LTA4H: variants seen among roughly 807,000 people sequenced by gnomAD.
The protein encoded by LTA4H is leukotriene A4 hydrolase, also known as leukotriene A-4 hydrolase.
A neutral mutation model predicts 89.8 loss-of-function variants in LTA4H; 59 were observed. That is an observed-to-expected ratio of 0.66 (90% CI 0.53 to 0.82). LTA4H has a LOEUF of 0.82. Ranked by LOEUF, LTA4H falls within the 40% of genes least tolerant of loss-of-function variation. The probability of loss-of-function intolerance (pLI) is 0.00; values close to 1 mark genes in which losing one functional copy is unlikely to be tolerated. For missense variants in LTA4H, 617 were observed against 727.0 expected (o/e 0.85, Z 1.74); for synonymous variants, 227 against 253.1 (o/e 0.90, Z 0.98).
chr12:96,028,666 T>C (rs1294244616), intron 2 of LTA4H, among the ~76,000 whole-genome samples: 2 of 152,232 alleles, frequency 1.3e-5, no homozygotes, highest in Admixed American at 6.5e-5. Flanking sequence ...TTTGGCATTA[T>C]CATTGTCCCA....
intron 1 of LTA4H, among the ~76,000 whole-genome samples, 186 bp downstream of exon 1, chr12:96,035,175 T>C (rs1179321881): frequency 6.6e-6 from 1 of 151,614 alleles, no homozygotes; most frequent in Non-Finnish European, 1.5e-5. Flanking sequence ...GAAGGGGTGC[T>C]GTGAGAGATC....
Position 96,006,341 on chromosome 12 carries a change from A to C in LTA4H, c.1503T>G (p.Asn501Lys). The part of the protein sequence containing the change: ...DLKDLSSHQL[N>K]EFLAQTLQRA... ...TCTGGAGCGTCTGTGCTAAAAACTC[A>C]TTCAATTGATGAGAAGAGAGATCCT... Residue 501 changes from asparagine to lysine, a missense_variant, in exon 16 of 19, where the codon AAT (asparagine) becomes AAG (lysine). Transcript: ENST00000228740. The C allele has an allele frequency of 6.2e-7, 1 of 1,611,392 alleles. No homozygotes were observed. The highest frequency in any genetic ancestry group is 8.5e-7 in the Non-Finnish European group (1 of 1,178,554).
chr12:96,015,629 A>C lies in LTA4H; in HGVS notation c.1013T>G (p.Phe338Cys). The C allele has an allele frequency of 1.2e-6, 2 of 1,614,180 alleles. No homozygotes were observed. Among genetic ancestry groups the C allele is most frequent in the Non-Finnish European group, 1.7e-6 (2 of 1,180,000 alleles). ...TCCTCCCAGAGCATTAAAATGTCTG[A>C]ACTTTTCACCAAACAATCGTCCGCA... The part of the protein sequence containing the change: ...HICGRLFGEK[F>C]RHFNALGGWG... The change falls in exon 11 of 19, where the codon TTC becomes TGC. Residue 338 changes from phenylalanine (F) to cysteine (C), a missense_variant. Physicochemically the swap from Phe to Cys is radical, Grantham distance 205. This residue lies in a region of LTA4H where 290 missense variants were observed against 339.1 expected (regional missense o/e 0.86). Coordinates refer to ENST00000228740, the MANE Select transcript of LTA4H (RefSeq NM_000895.3).
At chr12:96,016,291 T>C (rs1450698157) in intron 10 of LTA4H, among the ~76,000 whole-genome samples, 22 of 93,674 alleles carry the variant, frequency 2.3e-4, no homozygotes, top group African/African-American at 5.0e-4. Context: ...AGAGTGAGAC[T>C]CCATCTCAAA....
At chr12:96,041,929 C>T (rs1950689726) in intron 1 of LTA4H, among the ~76,000 whole-genome samples, 1 of 151,992 alleles carries the variant, frequency 6.6e-6, no homozygotes. Context: ...GCGTGAGCCA[C>T]CGCGCCTGGC....
chr12:96,021,103 A>G lies in LTA4H; in HGVS notation c.620T>C (p.Val207Ala). The G allele has an allele frequency of 6.2e-7, 1 of 1,601,778 alleles. No homozygotes were observed. Among genetic ancestry groups the G allele is most frequent in the Non-Finnish European group, 8.5e-7 (1 of 1,176,408 alleles). Residue 207 changes from valine to alanine, a missense_variant, in exon 6 of 19, where the codon GTT becomes GCT. This residue lies in a region of LTA4H where 172 missense variants were observed against 244.5 expected (regional missense o/e 0.70). Coordinates refer to ENST00000228740, the MANE Select transcript of LTA4H (RefSeq NM_000895.3). ...PIPCYLIALVVGALESRQIGP... is the reference protein window; with the variant it reads ...PIPCYLIALVAGALESRQIGP... ...AGCTCACCTGCTTTCTAAAGCTCCA[A>G]CAACTAAAGCAATCAGGTAGCAGGG...
At chr12:96,036,103 T>G (rs1314449860), upstream of LTA4H, among the ~76,000 whole-genome samples, 2 of 149,446 alleles carry the variant, frequency 1.3e-5, no homozygotes, top group Non-Finnish European at 3.0e-5. Flanking sequence ...GCACAGTAAT[T>G]GTTTTTTGTT....
Position 96,015,601 on chromosome 12 carries a change from C to A in LTA4H, c.1041G>T (p.Trp347Cys). The change falls in exon 11 of 19, where the codon TGG becomes TGT. Residue 347 changes from tryptophan to cysteine, a missense_variant. Trp to Cys is a radical substitution (Grantham distance 215). This residue lies in a region of LTA4H where 290 missense variants were observed against 339.1 expected (regional missense o/e 0.86). Coordinates refer to ENST00000228740, the MANE Select transcript of LTA4H (RefSeq NM_000895.3). ...CCTTTACCGAATTCTGTAGTTCTCCCCATCCTCCCAGAGCATTAAAATGTC... is the reference window on the plus strand; with the variant it reads ...CCTTTACCGAATTCTGTAGTTCTCCACATCCTCCCAGAGCATTAAAATGTC... Reference protein sequence around the residue: ...KFRHFNALGGWGELQNSVKTF... With the variant: ...KFRHFNALGGCGELQNSVKTF... 4 of 1,613,160 alleles carry A rather than the reference C, an allele frequency of 2.5e-6. No individual in the cohort carries two copies. Among genetic ancestry groups the A allele is most frequent in the Non-Finnish European group, 2.5e-6 (3 of 1,179,288 alleles).
At chr12:96,023,976 C>T (rs1950483520) in intron 4 of LTA4H, among the ~76,000 whole-genome samples, 1 of 151,792 alleles carries the variant, frequency 6.6e-6, no homozygotes, top group African/African-American at 2.4e-5. Context: ...GTCGCCCAGG[C>T]TGGAGTGCAG....
At chr12:96,017,489 G>T in intron 9 of LTA4H, 68 bp downstream of exon 9, 1 of 1,292,548 alleles carries the variant, frequency 7.7e-7, no homozygotes, top group Non-Finnish European at 1.1e-6. Flanking sequence ...AAAATACAAG[G>T]GATATTTTAA....
chr12:96,019,478 TAAGG>T (rs1460319527), intron 6 of LTA4H, among the ~76,000 whole-genome samples: 1 of 151,776 alleles, frequency 6.6e-6, no homozygotes, highest in Non-Finnish European at 1.5e-5. Flanking sequence ...AACCAAGACA[TAAGG>T]TGTCCCCAAT....
chr12:96,035,871 T>G (rs1055109653), upstream of LTA4H, among the ~76,000 whole-genome samples: 1 of 152,114 alleles, frequency 6.6e-6, no homozygotes, highest in Non-Finnish European at 1.5e-5. Flanking sequence ...GAGATAAAAC[T>G]GAACACTACC....
chr12:96,011,362 C>T (rs1027002097), intron 14 of LTA4H: 4 of 152,154 alleles, frequency 2.6e-5, no homozygotes, highest in African/African-American at 9.7e-5. Context: ...CTCTCCGTAC[C>T]ACTTTTAAAT....
chr12:96,034,070 A>T (rs1950606595), intron 1 of LTA4H, among the ~76,000 whole-genome samples: 1 of 152,244 alleles, frequency 6.6e-6, no homozygotes, highest in African/African-American at 2.4e-5. Flanking sequence ...GTAAGTACTT[A>T]TTAGTTCATA....
At chr12:96,009,325 A>G in intron 14 of LTA4H, 177 bp from the exon 15 acceptor site, 1 of 569,626 alleles carries the variant, frequency 1.8e-6, no homozygotes, top group African/African-American at 1.9e-5. Flanking sequence ...ATCATCCAAG[A>G]ACTCACAAAC....
intron 2 of LTA4H, among the ~76,000 whole-genome samples, chr12:96,028,752 T>C (rs1950539670): frequency 6.6e-6 from 1 of 152,190 alleles, no homozygotes; most frequent in Non-Finnish European, 1.5e-5. Flanking sequence ...TATCTTGAAA[T>C]GCCTTCTTAT....
chr12:96,028,302 A>G (rs1175145664), intron 2 of LTA4H, among the ~76,000 whole-genome samples: 1 of 152,118 alleles, frequency 6.6e-6, no homozygotes, highest in Non-Finnish European at 1.5e-5. Flanking sequence ...TGACCTCCCT[A>G]TGCCACAGTT....
intron 4 of LTA4H, among the ~76,000 whole-genome samples, chr12:96,024,025 G>A (rs1323445294): frequency 1.3e-5 from 2 of 151,902 alleles, no homozygotes; most frequent in African/African-American, 2.4e-5. Flanking sequence ...TGCCTCCTGG[G>A]TTCATGCCAT....
At position 96,028,979 on chromosome 12, in the gene LTA4H, A is replaced by C. The variant is rs376888112; in HGVS notation, c.290+76T>G. On this transcript the variant is annotated intron_variant, in intron 2 of 18. Transcript: ENST00000228740. Reference sequence around the variant, plus strand: ...TATTTACAAACTAAAATTTAAAAAGAAAAAATATTTAAATTAGTTAAGAAT... The same window carrying C: ...TATTTACAAACTAAAATTTAAAAAGCAAAAATATTTAAATTAGTTAAGAAT... The C allele has an allele frequency of 3.3e-3, 4,197 of 1,268,084 alleles. 10 individuals are homozygous for C. Among genetic ancestry groups the C allele is most frequent in the Non-Finnish European group, 4.0e-3 (3,784 of 956,672 alleles). 78.6% of individuals were successfully genotyped at this position (1,268,084 alleles called of 1,614,324 possible).
Sources: gnomAD v4.1 joint callset for allele counts (sites outside exome capture counted in the v4.1 genomes callset) on GRCh38, gnomAD v4.1.1 for gene constraint, gnomAD v4.1.1 regional missense constraint, MANE v1.5 for transcripts, NCBI Gene and HGNC (gene_info 2026-07-23, HGNC 2026-07-21) for gene names.